TMEM62: variants seen among roughly 807,000 people sequenced by gnomAD.
TMEM62 encodes the protein transmembrane protein 62.
TMEM62 carries 41 observed loss-of-function variants against 70.4 expected under a neutral mutation model. The observed-to-expected ratio is 0.58, with a 90% CI of 0.45 to 0.76. The LOEUF is 0.76. Among genes scored for constraint, TMEM62 ranks in the 30% least tolerant of loss-of-function variants. The pLI, the probability that TMEM62 is intolerant of heterozygous loss-of-function variation, is 0.00. For missense variants in TMEM62, 688 were observed against 788.5 expected, an observed-to-expected ratio of 0.87 and a Z score of 1.53; for synonymous variants, 268 against 291.0, an observed-to-expected ratio of 0.92 and a Z score of 0.80.
intron 12 of TMEM62, among the ~76,000 whole-genome samples, chr15:43,179,338 A>C (rs932574498): frequency 6.6e-6 from 1 of 152,228 alleles, no homozygotes; most frequent in Non-Finnish European, 1.5e-5. Flanking sequence ...AGCTCAAAAA[A>C]GAGAGAAACT....
rs1161893758 is a variant in TMEM62, at chr15:43,133,766, G to C, written c.-37G>C. 10 of 1,324,454 alleles carry C rather than the reference G, an allele frequency of 7.6e-6. No individual in the cohort carries two copies. Among genetic ancestry groups the C allele is most frequent in the African/African-American group, 3.1e-5 (2 of 64,606 alleles). 82.0% of individuals were successfully genotyped at this position (1,324,454 alleles called of 1,614,324 possible). ...CCGGGAGCGCCGCGCGGTCCTGCGC[G>C]GGATCAGCGAGGGCCGCGCCCCGGC... On this transcript the variant is annotated 5_prime_UTR_variant, in exon 1 of 14. Transcript: ENST00000260403.
At chr15:43,147,725 G>A (rs1172508362) in intron 5 of TMEM62, among the ~76,000 whole-genome samples, 1 of 152,136 alleles carries the variant, frequency 6.6e-6, no homozygotes, top group African/African-American at 2.4e-5. Flanking sequence ...AGTGTCTTTA[G>A]TCAGGGTTGA....
chr15:43,135,551 C>T lies in TMEM62; in HGVS notation c.332C>T (p.Ser111Phe), dbSNP rs751311347. The T allele has an allele frequency of 2.5e-6, 4 of 1,611,010 alleles. No individual in the cohort carries two copies. Among genetic ancestry groups the T allele is most frequent in the South Asian group, 1.1e-5 (1 of 90,314 alleles). The change falls in exon 3 of 14, where the codon TCC (serine) becomes TTC (phenylalanine). Residue 111 changes from serine to phenylalanine, a missense_variant. Physicochemically the swap from Ser to Phe is radical, Grantham distance 155 (BLOSUM62 -2). Transcript: ENST00000260403. ...TDAKTKEQLG[S>F]RQHEVEWQTY... The stretch of plus-strand genomic sequence containing the variant: ...GCCAAAACAAAGGAACAGTTGGGAT[C>T]CAGGCAGCATGAGGTAGAATGGCAA...
intron 2 of TMEM62, 41 bp downstream of exon 2, chr15:43,134,409 G>T (rs746519818): frequency 2.7e-6 from 4 of 1,499,500 alleles, no homozygotes; most frequent in East Asian, 4.5e-5. Flanking sequence ...TCTGTGGTCC[G>T]CATGGTAGAA....
intron 3 of TMEM62, 78 bp downstream of exon 3, chr15:43,135,727 T>A: frequency 3.4e-6 from 5 of 1,469,248 alleles, no homozygotes; most frequent in Non-Finnish European, 4.5e-6. Context: ...CAACTTAGAT[T>A]GTAAAATTAT....
chr15:43,170,741 A>G (rs531962928), intron 11 of TMEM62, among the ~76,000 whole-genome samples: 96 of 152,322 alleles, frequency 6.3e-4, no homozygotes, highest in African/African-American at 2.2e-3. Flanking sequence ...GTGAAACCTG[A>G]TGGAAAGATA....
At chr15:43,152,038 C>T (rs1361147364) in intron 8 of TMEM62, 93 bp downstream of exon 8, 1 of 941,536 alleles carries the variant, frequency 1.1e-6, no homozygotes, top group Non-Finnish European at 1.5e-6. Context: ...CTATGAGATG[C>T]CCCATTTTAG....
At chr15:43,175,309 C>T (rs1329629031) in intron 11 of TMEM62, among the ~76,000 whole-genome samples, 1 of 152,178 alleles carries the variant, frequency 6.6e-6, no homozygotes, top group Non-Finnish European at 1.5e-5. Flanking sequence ...TTAGGCTGAG[C>T]AAGGTTATAA....
intron 10 of TMEM62, among the ~76,000 whole-genome samples, chr15:43,165,604 G>A (rs1567219728): frequency 6.6e-6 from 1 of 151,842 alleles, no homozygotes; most frequent in African/African-American, 2.4e-5. Flanking sequence ...GTGGTGGCGG[G>A]CACCTGTAGT....
chr15:43,162,962 C>A (rs1003514722), intron 10 of TMEM62, among the ~76,000 whole-genome samples: 2 of 151,342 alleles, frequency 1.3e-5, no homozygotes, highest in African/African-American at 4.8e-5. Context: ...TTATAACCAT[C>A]ATTTTTTTTT....
rs549676915 is a variant in TMEM62 at position 43,146,510 on chromosome 15, G to A, written c.494G>A (p.Arg165His). ...TTTTTTAGGAAATATTCTGCTGTAC[G>A]TAGAGATGGCTCTTTCCATTATGTC... ...KNYYRKYSAV[R>H]RDGSFHYVHS... Residue 165 changes from arginine (R) to histidine (H), a missense_variant, in exon 5 of 14, where the codon CGT becomes CAT. Physicochemically the swap from Arg to His is conservative, Grantham distance 29. Coordinates refer to ENST00000260403, the MANE Select transcript of TMEM62 (RefSeq NM_024956.4). 1.6e-5 allele frequency: 25 copies of A among 1,612,748 alleles called. 1 individual carries two copies. The highest frequency in any genetic ancestry group is 1.2e-4 in the Admixed American group (7 of 59,766).
At chr15:43,176,294 A>T (rs1567237904) in intron 11 of TMEM62, among the ~76,000 whole-genome samples, 2 of 152,228 alleles carry the variant, frequency 1.3e-5, no homozygotes, top group Non-Finnish European at 1.5e-5. Context: ...ACCTCTGAAG[A>T]CTTAAATGTC....
At chr15:43,154,616 T>C (rs1465391370) in intron 8 of TMEM62, 56 bp from the exon 9 acceptor site, 3 of 1,512,194 alleles carry the variant, frequency 2.0e-6, no homozygotes, top group Non-Finnish European at 8.9e-7. Context: ...TTATTCTCCT[T>C]TGCAAAAACA....
chr15:43,178,841 G>C, intron 12 of TMEM62, 130 bp downstream of exon 12: 1 of 535,488 alleles, frequency 1.9e-6, no homozygotes, highest in East Asian at 3.2e-5. Context: ...TCTGGGACAT[G>C]GTTTTGGAAA....
chr15:43,154,753 G>T lies in TMEM62; in HGVS notation c.1104G>T (p.Val368=). The part of the protein sequence containing the change: ...DGVHLGQAVH[V]SGPIFVLKWN... ...TTCATTTAGGCCAGGCTGTTCATGT[G>T]TCTGGTCCCATTTTCGTACTGAAGT... Residue 368 remains valine (V), a synonymous_variant, in exon 9 of 14, where the codon GTG becomes GTT. Coordinates refer to ENST00000260403, the MANE Select transcript of TMEM62 (RefSeq NM_024956.4). 2 of 1,614,036 alleles carry T rather than the reference G, an allele frequency of 1.2e-6. No homozygotes were observed. The highest frequency in any genetic ancestry group is 1.7e-6 in the Non-Finnish European group (2 of 1,179,968).
At chr15:43,156,440 TG>T (rs2038055339) in intron 9 of TMEM62, among the ~76,000 whole-genome samples, 1 of 152,168 alleles carries the variant, frequency 6.6e-6, no homozygotes, top group East Asian at 1.9e-4. Context: ...GAGAGATAGC[TG>T]GGGATGAACC....
chr15:43,165,665 G>A (rs1165998340), intron 10 of TMEM62, among the ~76,000 whole-genome samples: 1 of 151,748 alleles, frequency 6.6e-6, no homozygotes, highest in South Asian at 2.1e-4. Context: ...CCCAGGAGGC[G>A]GAGCTTGTAG....
At chr15:43,137,422 A>T (rs1251265016) in intron 3 of TMEM62, among the ~76,000 whole-genome samples, 1 of 152,258 alleles carries the variant, frequency 6.6e-6, no homozygotes, top group Non-Finnish European at 1.5e-5. Context: ...GTTTCTAGAT[A>T]ATCTGAATTT....
intron 11 of TMEM62, among the ~76,000 whole-genome samples, chr15:43,173,739 A>G (rs113489791): frequency 0.014 from 2,089 of 152,034 alleles, 40 homozygotes; most frequent in African/African-American, 0.048. Flanking sequence ...CTGAATCCCT[A>G]TAGTCCTTTC....
Sources: gnomAD v4.1 joint callset for allele counts (sites outside exome capture counted in the v4.1 genomes callset) on GRCh38, gnomAD v4.1.1 for gene constraint, MANE v1.5 for transcripts, NCBI Gene and HGNC (gene_info 2026-07-23, HGNC 2026-07-21) for gene names.